The following UBE2H variants were observed in gnomAD, a reference collection of about 807,000 sequenced individuals.
The protein encoded by UBE2H is ubiquitin conjugating enzyme E2 H, also known as ubiquitin-conjugating enzyme E2 H.
In UBE2H, 3 loss-of-function variants were observed where a neutral mutation model predicts 29.0. That is an observed-to-expected ratio of 0.10 (90% CI 0.05 to 0.27). UBE2H has a LOEUF of 0.27. Among genes scored for constraint, UBE2H ranks in the 10% least tolerant of loss-of-function variants. The pLI, the probability that UBE2H is intolerant of heterozygous loss-of-function variation, is 1.00. For synonymous variants in UBE2H, 69 were observed against 82.9 expected (o/e 0.83, Z 0.91); for missense variants, 68 against 228.2 (o/e 0.30, Z 4.52).
chr7:129,941,853 G>A (rs1807652040), intron 1 of UBE2H, among the ~76,000 whole-genome samples: 1 of 152,008 alleles, frequency 6.6e-6, no homozygotes, highest in Non-Finnish European at 1.5e-5. Context: ...TTATGGCAGT[G>A]TCCAATAACC....
intron 1 of UBE2H, among the ~76,000 whole-genome samples, chr7:129,935,430 A>G (rs952921373): frequency 6.6e-6 from 1 of 150,854 alleles, no homozygotes; most frequent in East Asian, 2.0e-4. Context: ...AAAAAAAAAA[A>G]CAGAAAAGAA....
intron 3 of UBE2H, among the ~76,000 whole-genome samples, chr7:129,877,545 T>C (rs1470381373): frequency 6.6e-6 from 1 of 152,152 alleles, no homozygotes; most frequent in East Asian, 1.9e-4. Flanking sequence ...GAACAGCTTG[T>C]ACAAATATTT....
chr7:129,857,653 T>C, intron 4 of UBE2H, 90 bp from the exon 5 acceptor site: 1 of 1,338,220 alleles, frequency 7.5e-7, no homozygotes, highest in Non-Finnish European at 1.1e-6. Flanking sequence ...TCAAGAGAAA[T>C]ACTTCTAATA....
intron 6 of UBE2H, among the ~76,000 whole-genome samples, chr7:129,837,147 C>T (rs1257593902): frequency 1.3e-5 from 2 of 152,126 alleles, no homozygotes; most frequent in Admixed American, 6.5e-5. Context: ...GTGGTGACTG[C>T]CACACAAATG....
At chr7:129,909,133 A>G (rs951694067) in intron 1 of UBE2H, among the ~76,000 whole-genome samples, 13 of 152,222 alleles carry the variant, frequency 8.5e-5, no homozygotes, top group Admixed American at 8.5e-4. Flanking sequence ...CCTCATTGCA[A>G]CTGGAGCCCC....
intron 1 of UBE2H, among the ~76,000 whole-genome samples, chr7:129,886,914 T>C (rs921094987): frequency 6.6e-6 from 1 of 152,116 alleles, no homozygotes; most frequent in South Asian, 2.1e-4. Flanking sequence ...AATAAAAATG[T>C]TTCTAGGATT....
intron 1 of UBE2H, among the ~76,000 whole-genome samples, chr7:129,942,536 A>C (rs972996504): frequency 6.6e-6 from 1 of 152,124 alleles, no homozygotes; most frequent in African/African-American, 2.4e-5. Flanking sequence ...GGATATCCTA[A>C]CTCTTATAGT....
intron 1 of UBE2H, among the ~76,000 whole-genome samples, chr7:129,915,345 G>A (rs1807022851): frequency 6.6e-6 from 1 of 152,060 alleles, no homozygotes; most frequent in African/African-American, 2.4e-5. Flanking sequence ...GACCATCCTG[G>A]CTAACACAGT....
chr7:129,839,086 G>T, intron 6 of UBE2H, 121 bp downstream of exon 6: 1 of 1,443,078 alleles, frequency 6.9e-7, no homozygotes, highest in Non-Finnish European at 9.3e-7. Flanking sequence ...GCCCACAGCT[G>T]TCTCTTTTTA....
chr7:129,942,718 CT>C (rs1807672874), intron 1 of UBE2H, among the ~76,000 whole-genome samples: 1 of 152,102 alleles, frequency 6.6e-6, no homozygotes, highest in Admixed American at 6.6e-5. Flanking sequence ...CTTATCAATA[CT>C]TTACAAAGAA....
intron 4 of UBE2H, 114 bp downstream of exon 4, chr7:129,858,788 A>G: frequency 2.2e-6 from 2 of 890,196 alleles, no homozygotes; most frequent in East Asian, 2.6e-5. Flanking sequence ...CCATTCATAC[A>G]GTCCTACCTC....
At chr7:129,916,022 GA>G (rs1467664729) in intron 1 of UBE2H, among the ~76,000 whole-genome samples, 1 of 152,108 alleles carries the variant, frequency 6.6e-6, no homozygotes. Flanking sequence ...TAAAAAGCCA[GA>G]AAAAATCCAT....
chr7:129,840,378 G>A (rs1199379134), intron 5 of UBE2H, among the ~76,000 whole-genome samples: 2 of 151,752 alleles, frequency 1.3e-5, no homozygotes, highest in African/African-American at 2.4e-5. Context: ...AATAGAGACA[G>A]GGTCTCCTTA....
At chr7:129,844,307 T>TCC (rs1805476006) in intron 5 of UBE2H, among the ~76,000 whole-genome samples, 1 of 152,208 alleles carries the variant, frequency 6.6e-6, no homozygotes, top group Non-Finnish European at 1.5e-5. Flanking sequence ...CAGTGATTAC[T>TCC]CCTAAGGGTG....
rs1807900951 is a variant in UBE2H at position 129,952,520 on chromosome 7, G to A, written c.36C>T (p.Asp12=). The A allele has an allele frequency of 2.5e-6, 4 of 1,613,116 alleles. No homozygotes were observed. Among genetic ancestry groups the A allele is most frequent in the Admixed American group, 1.7e-5 (1 of 59,982 alleles). Residue 12 remains aspartate, a synonymous_variant, in exon 1 of 7, where the codon GAC becomes GAT. Coordinates refer to ENST00000355621, the MANE Select transcript of UBE2H (RefSeq NM_003344.4). ...AAGGATACAGCTTGACCACGTCCGT[G>A]TCCATCCGCCTCTTGCCCGGACTGG... The part of the protein sequence containing the change: ...SSPSPGKRRM[D]TDVVKLIESK...
chr7:129,886,758 G>GGTT (rs1554435088), intron 1 of UBE2H, among the ~76,000 whole-genome samples: 7 of 40,290 alleles, frequency 1.7e-4, no homozygotes, highest in African/African-American at 2.9e-4. Context: ...CTGGTTTTTT[G>GGTT]TTTTTTGGTA....
At chr7:129,916,307 T>C (rs919538008) in intron 1 of UBE2H, among the ~76,000 whole-genome samples, 1 of 152,144 alleles carries the variant, frequency 6.6e-6, no homozygotes, top group East Asian at 1.9e-4. Context: ...CACTGGCTTT[T>C]ATCCACCACA....
At chr7:129,892,666 T>C (rs1049579094) in intron 1 of UBE2H, among the ~76,000 whole-genome samples, 6 of 152,184 alleles carry the variant, frequency 3.9e-5, no homozygotes, top group Non-Finnish European at 5.9e-5. Flanking sequence ...TTTTTTGCTG[T>C]AGAAAATTTC....
chr7:129,869,645 G>A (rs1462514667), intron 3 of UBE2H, among the ~76,000 whole-genome samples: 1 of 152,166 alleles, frequency 6.6e-6, no homozygotes, highest in Non-Finnish European at 1.5e-5. Flanking sequence ...TTGGACTTGA[G>A]GGTACCAGTA....
Sources: gnomAD v4.1 joint callset for allele counts (sites outside exome capture counted in the v4.1 genomes callset) on GRCh38, gnomAD v4.1.1 for gene constraint, MANE v1.5 for transcripts, NCBI Gene and HGNC (gene_info 2026-07-23, HGNC 2026-07-21) for gene names.